Variants in PSTPIP2 observed in about 807,000 individuals in gnomAD.
The protein encoded by PSTPIP2 is proline-serine-threonine phosphatase interacting protein 2.
Under a neutral mutation model 63.3 loss-of-function variants are expected in PSTPIP2, and 33 were observed. That is an observed-to-expected ratio of 0.52 (90% CI 0.40 to 0.70). The LOEUF is 0.70. Ranked by LOEUF, PSTPIP2 falls within the 30% of genes least tolerant of loss-of-function variation. The pLI is 0.00. For synonymous variants in PSTPIP2, 125 were observed against 132.7 expected, an observed-to-expected ratio of 0.94 and a Z score of 0.40; for missense variants, 312 against 400.7, an observed-to-expected ratio of 0.78 and a Z score of 1.89.
chr18:46,067,452 G>A (rs970651651), intron 1 of PSTPIP2, among the ~76,000 whole-genome samples: 4 of 148,520 alleles, frequency 2.7e-5, no homozygotes, highest in Admixed American at 1.3e-4. Flanking sequence ...GCAGTGACCC[G>A]AGATCGCACC....
At chr18:46,049,416 G>GT (rs930743905) in intron 1 of PSTPIP2, among the ~76,000 whole-genome samples, 1 of 151,586 alleles carries the variant, frequency 6.6e-6, no homozygotes, top group African/African-American at 2.4e-5. Flanking sequence ...CATGACACAA[G>GT]TTTGTTACCT....
intron 14 of PSTPIP2, 31 bp from the exon 15 acceptor site, chr18:45,985,481 G>C: frequency 6.2e-7 from 1 of 1,610,034 alleles, no homozygotes; most frequent in Non-Finnish European, 8.5e-7. Flanking sequence ...AATTTCCTCT[G>C]AATGAAAGGT....
intron 2 of PSTPIP2, among the ~76,000 whole-genome samples, chr18:46,029,991 G>C (rs1416673543): frequency 6.6e-6 from 1 of 152,190 alleles, no homozygotes; most frequent in Non-Finnish European, 1.5e-5. Flanking sequence ...GCAGGTGCCT[G>C]TAATCCCAGC....
intron 6 of PSTPIP2, among the ~76,000 whole-genome samples, chr18:46,002,782 C>G (rs184070111): frequency 4.8e-4 from 72 of 151,330 alleles, no homozygotes; most frequent in Non-Finnish European, 1.8e-4. Context: ...ATTGTGAGAC[C>G]CCCCCATCTC....
Position 46,005,490 on chromosome 18 carries a change from T to C in PSTPIP2, c.396A>G (p.Leu132=). 1 of 1,603,220 alleles carries C rather than the reference T, an allele frequency of 6.2e-7. No individual in the cohort carries two copies. The highest frequency in any genetic ancestry group is 1.3e-5 in the African/African-American group (1 of 74,750). The change falls in exon 6 of 15, where the codon TTA becomes TTG. Residue 132 remains leucine, a synonymous_variant. Transcript: ENST00000409746. The part of the protein sequence containing the change: ...IMDAIHKQKS[L]QFKKTMDAKK... ...TCACATCCATGGTTTTCTTGAATTG[T>C]AAGCTCTTTTGTTTATGGATAGCAT...
intron 1 of PSTPIP2, among the ~76,000 whole-genome samples, chr18:46,048,206 T>G (rs1187364908): frequency 6.9e-6 from 1 of 145,888 alleles, no homozygotes; most frequent in African/African-American, 2.8e-5. Context: ...GAGAAAGAGA[T>G]TTTAAGATGC....
intron 8 of PSTPIP2, 104 bp downstream of exon 8, chr18:45,998,690 A>T: frequency 1.7e-6 from 2 of 1,145,612 alleles, no homozygotes. Flanking sequence ...ATATCCATAT[A>T]TTCTCTCTTT....
chr18:46,022,731 A>G (rs1351951073), intron 3 of PSTPIP2, among the ~76,000 whole-genome samples: 2 of 152,198 alleles, frequency 1.3e-5, no homozygotes, highest in African/African-American at 2.4e-5. Context: ...TTGCTAAAGT[A>G]GGCACCATGA....
chr18:46,024,353 G>A (rs1368345748), intron 3 of PSTPIP2, among the ~76,000 whole-genome samples: 2 of 152,026 alleles, frequency 1.3e-5, no homozygotes, highest in African/African-American at 4.8e-5. Flanking sequence ...GCCTAGGCTG[G>A]TCTTGAACTC....
chr18:46,005,368 C>T (rs972062223), intron 6 of PSTPIP2, 101 bp downstream of exon 6: 16 of 1,024,230 alleles, frequency 1.6e-5, no homozygotes, highest in Non-Finnish European at 2.1e-5. Flanking sequence ...TAAATAATAA[C>T]ATTTTTGAAA....
intron 6 of PSTPIP2, among the ~76,000 whole-genome samples, chr18:46,000,415 G>A (rs2051651132): frequency 1.3e-5 from 2 of 152,276 alleles, no homozygotes; most frequent in African/African-American, 4.8e-5. Context: ...CACACAAGCA[G>A]GAGTGCAGTA....
intron 6 of PSTPIP2, among the ~76,000 whole-genome samples, chr18:46,004,135 A>G (rs2051699802): frequency 6.6e-6 from 1 of 152,228 alleles, no homozygotes; most frequent in Admixed American, 6.5e-5. Context: ...TTTAAAATAT[A>G]AAAGGTCTGG....
At chr18:46,012,478 A>G (rs778413090) in intron 4 of PSTPIP2, among the ~76,000 whole-genome samples, 1 of 152,236 alleles carries the variant, frequency 6.6e-6, no homozygotes, top group African/African-American at 2.4e-5. Flanking sequence ...GTGCATCTAC[A>G]ATTAAAAAAG....
chr18:46,029,810 T>G (rs1035486925), intron 2 of PSTPIP2: 27 of 475,930 alleles, frequency 5.7e-5, no homozygotes, highest in Admixed American at 3.2e-4. Flanking sequence ...TACTTTGCCT[T>G]GGGGAATGAA....
At chr18:46,071,831 C>T (rs1215666716) in intron 1 of PSTPIP2, among the ~76,000 whole-genome samples, 1 of 152,240 alleles carries the variant, frequency 6.6e-6, no homozygotes, top group Non-Finnish European at 1.5e-5. Context: ...TAAGGTGTCT[C>T]GGCTCTCTGC....
intron 1 of PSTPIP2, among the ~76,000 whole-genome samples, chr18:46,063,890 A>G (rs151012313): frequency 3.2e-4 from 49 of 152,308 alleles, no homozygotes; most frequent in African/African-American, 1.2e-3. Context: ...TATTGGGAAC[A>G]CTGAGAATAG....
In PSTPIP2 at chr18:46,072,190, G is replaced by C; in HGVS notation, c.-2C>G. 1.3e-6 allele frequency: 2 copies of C among 1,535,358 alleles called. No homozygotes were observed. Among genetic ancestry groups the C allele is most frequent in the Non-Finnish European group, 1.8e-6 (2 of 1,141,016 alleles). On this transcript the variant is annotated 5_prime_UTR_variant, in exon 1 of 15. Transcript: ENST00000409746. Reference sequence around the variant, plus strand: ...TCCCTTGAACAGTGAGCGCGTCATCGCAGCGCGAGTGGGGGCGCGGAGGAG... The same window carrying C: ...TCCCTTGAACAGTGAGCGCGTCATCCCAGCGCGAGTGGGGGCGCGGAGGAG...
chr18:46,047,881 T>C (rs1438405674), intron 1 of PSTPIP2, among the ~76,000 whole-genome samples: 1 of 152,204 alleles, frequency 6.6e-6, no homozygotes, highest in Non-Finnish European at 1.5e-5. Flanking sequence ...TTACATGGTT[T>C]CAAAATATTT....
At position 45,998,856 on chromosome 18, in the gene PSTPIP2, AC is replaced by A. The variant is rs1171070457; in HGVS notation, c.517-18del. 6.2e-7 allele frequency: 1 copy of A among 1,613,872 alleles called. No homozygotes were observed. The highest frequency in any genetic ancestry group is 2.2e-5 in the East Asian group (1 of 44,884). On this transcript the variant is annotated intron_variant, in intron 7 of 14. Transcript: ENST00000409746. ...CACAAAAAGCTGTGAAAACAAACAAACAAACAAAAAAAGAGCAAGCATTGGG... is the reference window on the plus strand; with the variant it reads ...CACAAAAAGCTGTGAAAACAAACAAAAAACAAAAAAAGAGCAAGCATTGGG...
Sources: gnomAD v4.1 joint callset for allele counts (sites outside exome capture counted in the v4.1 genomes callset) on GRCh38, gnomAD v4.1.1 for gene constraint, MANE v1.5 for transcripts, NCBI Gene and HGNC (gene_info 2026-07-23, HGNC 2026-07-21) for gene names.